The following CFTR variants were observed in gnomAD, a reference collection of about 807,000 sequenced individuals.
CFTR encodes the protein cystic fibrosis transmembrane conductance regulator.
CFTR carries 181 observed loss-of-function variants against 171.6 expected under a neutral mutation model. The observed-to-expected ratio is 1.05, with a 90% CI of 0.93 to 1.19. CFTR has a LOEUF of 1.19. Among genes scored for constraint, CFTR ranks in the 50% most tolerant of loss-of-function variants. CFTR has a pLI of 0.00. For missense variants in CFTR, 1,968 were observed against 1,734.7 expected (o/e 1.13, Z -2.39); for synonymous variants, 583 against 608.0 (o/e 0.96, Z 0.60).
intron 1 of CFTR, among the ~76,000 whole-genome samples, chr7:117,501,034 C>T (rs117835163): frequency 2.0e-5 from 3 of 152,152 alleles, no homozygotes; most frequent in Admixed American, 1.3e-4. Flanking sequence ...AAAAGAGTTA[C>T]GTTTATATTT....
At chr7:117,603,991 G>T (rs1274159899) in intron 17 of CFTR, among the ~76,000 whole-genome samples, 1 of 152,180 alleles carries the variant, frequency 6.6e-6, no homozygotes, top group Admixed American at 6.5e-5. Flanking sequence ...AATTAGAGTA[G>T]CTTGGTTTGT....
intron 14 of CFTR, among the ~76,000 whole-genome samples, chr7:117,594,277 A>G (rs1268615584): frequency 6.6e-6 from 1 of 152,156 alleles, no homozygotes; most frequent in Non-Finnish European, 1.5e-5. Flanking sequence ...GCACTTTCCC[A>G]TGAGTTTTGT....
intron 23 of CFTR, among the ~76,000 whole-genome samples, chr7:117,644,722 T>A (rs1025187902): frequency 6.6e-6 from 1 of 152,196 alleles, no homozygotes. Flanking sequence ...TTTATTAATG[T>A]TCTTCCCTCC....
chr7:117,631,532 A>G (rs573701526), intron 22 of CFTR, among the ~76,000 whole-genome samples: 1 of 152,242 alleles, frequency 6.6e-6, no homozygotes, highest in African/African-American at 2.4e-5. Context: ...AAAATCAACA[A>G]TGGCCAGTGA....
Position 117,627,958 on chromosome 7 carries a change from A to G in CFTR, c.3717+188A>G, listed in dbSNP as rs150370877. ...TGAAATTTAATTTGCAGAGTCCTGAACCTATATAATGGGTTTATTTTAAAT... is the reference window on the plus strand; with the variant it reads ...TGAAATTTAATTTGCAGAGTCCTGAGCCTATATAATGGGTTTATTTTAAAT... On this transcript the variant is annotated intron_variant, in intron 22 of 26. Coordinates refer to ENST00000003084, the MANE Select transcript of CFTR (RefSeq NM_000492.4). The G allele has an allele frequency of 3.7e-4, 226 of 612,772 alleles. No homozygotes were observed. In the African/African-American group the frequency reaches 3.9e-3, roughly 11 times the overall value. 38.0% of individuals were successfully genotyped at this position (612,772 alleles called of 1,614,324 possible). A position where few individuals can be genotyped will look rare whatever the true frequency, so the allele number is the denominator to read the frequency against.
intron 21 of CFTR, among the ~76,000 whole-genome samples, chr7:117,617,425 C>T (rs956496994): frequency 7.2e-5 from 11 of 151,960 alleles, no homozygotes; most frequent in African/African-American, 2.4e-4. Context: ...TATTGGTACA[C>T]GAAACTGTAC....
intron 22 of CFTR, among the ~76,000 whole-genome samples, chr7:117,634,121 C>T (rs966465353): frequency 6.6e-6 from 1 of 152,028 alleles, no homozygotes. Context: ...CCATCTGGAC[C>T]TGGTGCTTTC....
chr7:117,531,986 C>T (rs1798873423), intron 4 of CFTR, among the ~76,000 whole-genome samples: 1 of 151,882 alleles, frequency 6.6e-6, no homozygotes, highest in Admixed American at 6.6e-5. Flanking sequence ...ACCCATAACA[C>T]TTCTAAGATA....
chr7:117,562,635 C>T (rs1365429630), intron 11 of CFTR, among the ~76,000 whole-genome samples: 1 of 152,044 alleles, frequency 6.6e-6, no homozygotes, highest in Non-Finnish European at 1.5e-5. Flanking sequence ...GTGTAGTGAG[C>T]ATGGTGGGTA....
At chr7:117,531,195 T>A (rs1391131874) in intron 4 of CFTR, 81 bp downstream of exon 4, 12 of 1,081,696 alleles carry the variant, frequency 1.1e-5, no homozygotes, top group African/African-American at 1.6e-5. Flanking sequence ...GGTAGTGAGC[T>A]GGTACAAGTA....
At position 117,667,232 on chromosome 7, in the gene CFTR, G is replaced by GC. The variant is rs1554397824; in HGVS notation, c.*124_*125insC. 58 of 864,974 alleles carry GC rather than the reference G, an allele frequency of 6.7e-5. No homozygotes were observed. The highest frequency in any genetic ancestry group is 2.0e-5 in the Admixed American group (1 of 49,152). The allele number at this position is 864,974 out of a possible 1,614,324, so 53.6% of individuals were successfully genotyped here. On this transcript the variant is annotated 3_prime_UTR_variant, in exon 27 of 27. Transcript: ENST00000003084. ...GCCTCAGAAAACAAGGATGAATTAA[G>GC]TTTTTTTTTAAAAAAGAAACATTTG...
intron 18 of CFTR, among the ~76,000 whole-genome samples, 155 bp downstream of exon 18, chr7:117,606,908 A>C (rs192279474): frequency 6.6e-6 from 1 of 152,196 alleles, no homozygotes; most frequent in Admixed American, 6.5e-5. Context: ...CAAAATAGAC[A>C]TAAGTTTAGT....
At chr7:117,536,959 G>A (rs17449134) in intron 7 of CFTR, among the ~76,000 whole-genome samples, 3,649 of 152,124 alleles carry the variant, frequency 0.024, 65 homozygotes, top group Non-Finnish European at 0.035. Flanking sequence ...CATTTATTTC[G>A]TTAAAACAAT....
At chr7:117,626,149 A>T (rs535981464) in intron 21 of CFTR, among the ~76,000 whole-genome samples, 1 of 152,094 alleles carries the variant, frequency 6.6e-6, no homozygotes, top group East Asian at 1.9e-4. Context: ...ACTAGAGTGA[A>T]AAAAGAACTT....
At chr7:117,593,197 A>G (rs557489785) in intron 14 of CFTR, among the ~76,000 whole-genome samples, 2 of 152,238 alleles carry the variant, frequency 1.3e-5, no homozygotes, top group African/African-American at 4.8e-5. Flanking sequence ...TTCTGAAAAG[A>G]TTTCTTTTAG....
chr7:117,516,483 T>C (rs1798598294), intron 3 of CFTR, among the ~76,000 whole-genome samples: 1 of 152,178 alleles, frequency 6.6e-6, no homozygotes, highest in Non-Finnish European at 1.5e-5. Flanking sequence ...TACTAGCTTA[T>C]AACTTAATTT....
intron 16 of CFTR, 29 bp downstream of exon 16, chr7:117,602,892 T>A: frequency 6.3e-7 from 1 of 1,584,268 alleles, no homozygotes; most frequent in South Asian, 1.1e-5. Flanking sequence ...ATTGTGTAGA[T>A]TGTGTTTTAT....
chr7:117,566,122 A>T (rs1254947167), intron 11 of CFTR, among the ~76,000 whole-genome samples: 1 of 152,104 alleles, frequency 6.6e-6, no homozygotes, highest in Admixed American at 6.6e-5. Context: ...AGTAGCCAAG[A>T]TATAATGGAC....
At chr7:117,495,045 C>A (rs574747569) in intron 1 of CFTR, among the ~76,000 whole-genome samples, 12 of 152,208 alleles carry the variant, frequency 7.9e-5, no homozygotes, top group African/African-American at 2.9e-4. Context: ...TAAGGCCAAT[C>A]CATTTCCCCT....
Sources: gnomAD v4.1 joint callset for allele counts (sites outside exome capture counted in the v4.1 genomes callset) on GRCh38, gnomAD v4.1.1 for gene constraint, MANE v1.5 for transcripts, NCBI Gene and HGNC (gene_info 2026-07-23, HGNC 2026-07-21) for gene names.